The following CHCHD3 variants were observed in gnomAD, a reference collection of about 807,000 sequenced individuals.
The protein encoded by CHCHD3 is coiled-coil-helix-coiled-coil-helix domain containing 3.
A neutral mutation model predicts 38.2 loss-of-function variants in CHCHD3; 20 were observed. The ratio of observed to expected loss-of-function variants is 0.52; its 90% CI spans 0.37 to 0.76. The LOEUF is 0.76. Among genes scored for constraint, CHCHD3 ranks in the 30% least tolerant of loss-of-function variants. CHCHD3 has a pLI of 0.00. For synonymous variants in CHCHD3, 82 were observed against 100.0 expected, an observed-to-expected ratio of 0.82 and a Z score of 1.07; for missense variants, 245 against 279.2, an observed-to-expected ratio of 0.88 and a Z score of 0.87.
rs181121410 is a variant in CHCHD3, at chr7:133,001,786, T to G, written c.251+22760A>C. On this transcript the variant is annotated intron_variant, in intron 3 of 7. Transcript: ENST00000262570. ...GAGAGCAGACAGATTTTTAACACTA[T>G]ACAACTAGGAAACGATTCTCTGAAA... Among the ~76,000 whole-genome samples the G allele has an allele frequency of 9.8e-5, 15 of 152,310 alleles. No individual in the cohort carries two copies. The East Asian group carries it at 2.7e-3, about 27-fold the overall frequency.
At chr7:133,076,464 C>T (rs1275824436) in intron 1 of CHCHD3, among the ~76,000 whole-genome samples, 1 of 152,114 alleles carries the variant, frequency 6.6e-6, no homozygotes, top group Admixed American at 6.6e-5. Context: ...GCAGGTCTGC[C>T]GATATTCAGC....
intron 4 of CHCHD3, among the ~76,000 whole-genome samples, chr7:132,898,186 A>G (rs1257485974): frequency 1.3e-5 from 2 of 152,130 alleles, no homozygotes; most frequent in African/African-American, 2.4e-5. Flanking sequence ...TATTGCAGAG[A>G]GCCAAAGAAC....
At chr7:132,874,577 ATATTCTGGT>A (rs1808850555) in intron 5 of CHCHD3, among the ~76,000 whole-genome samples, 1 of 72,654 alleles carries the variant, frequency 1.4e-5, no homozygotes, top group African/African-American at 3.9e-5. Flanking sequence ...AAAGGGAAGA[ATATTCTGGT>A]TCAGACTTTC....
chr7:132,797,712 G>A (rs1460318274), intron 6 of CHCHD3, among the ~76,000 whole-genome samples: 1 of 152,168 alleles, frequency 6.6e-6, no homozygotes, highest in Non-Finnish European at 1.5e-5. Context: ...GATTGCTTCT[G>A]TGAATATGTG....
At chr7:132,959,989 G>C (rs1384023494) in intron 4 of CHCHD3, among the ~76,000 whole-genome samples, 1 of 152,154 alleles carries the variant, frequency 6.6e-6, no homozygotes, top group South Asian at 2.1e-4. Flanking sequence ...AGTAACAAAC[G>C]TATCTCCAGA....
chr7:132,869,948 T>C (rs1808723197), intron 5 of CHCHD3, among the ~76,000 whole-genome samples: 1 of 152,150 alleles, frequency 6.6e-6, no homozygotes, highest in Non-Finnish European at 1.5e-5. Context: ...TGAAAGATTA[T>C]ATAAGCTTAA....
chr7:132,946,556 C>T (rs1026309189), intron 4 of CHCHD3, among the ~76,000 whole-genome samples: 1 of 151,668 alleles, frequency 6.6e-6, no homozygotes, highest in African/African-American at 2.4e-5. Flanking sequence ...AGAATTAACT[C>T]CAAAAATTTA....
At chr7:133,006,118 A>AT (rs1290751339) in intron 3 of CHCHD3, among the ~76,000 whole-genome samples, 1 of 152,198 alleles carries the variant, frequency 6.6e-6, no homozygotes, top group Non-Finnish European at 1.5e-5. Flanking sequence ...CTAAACTCCC[A>AT]TAGTACTAAC....
intron 6 of CHCHD3, among the ~76,000 whole-genome samples, chr7:132,804,518 C>A (rs1400481543): frequency 1.3e-5 from 2 of 152,064 alleles, no homozygotes; most frequent in African/African-American, 4.8e-5. Context: ...ATTCCAGTAC[C>A]CCTACCTCTT....
chr7:132,809,302 T>C (rs1563241797), intron 6 of CHCHD3, among the ~76,000 whole-genome samples: 2 of 152,152 alleles, frequency 1.3e-5, no homozygotes, highest in Admixed American at 1.3e-4. Context: ...AGTTCCTGTT[T>C]TAAAATACCT....
chr7:132,973,492 T>C (rs1811663961), intron 4 of CHCHD3: 1 of 985,366 alleles, frequency 1.0e-6, no homozygotes, highest in South Asian at 4.7e-5. Flanking sequence ...TCTGAAATTA[T>C]TCCCCTTTCA....
intron 3 of CHCHD3, among the ~76,000 whole-genome samples, chr7:133,005,913 G>A (rs1045457496): frequency 3.9e-5 from 6 of 152,122 alleles, no homozygotes; most frequent in Non-Finnish European, 8.8e-5. Flanking sequence ...GTCCACTCCA[G>A]GGCAATTAGA....
At chr7:133,060,101 G>C (rs1814458415) in intron 2 of CHCHD3, among the ~76,000 whole-genome samples, 1 of 152,226 alleles carries the variant, frequency 6.6e-6, no homozygotes. Flanking sequence ...AACTTGGAAA[G>C]TCCACACTGA....
At chr7:132,957,228 A>T (rs1378380871) in intron 4 of CHCHD3, among the ~76,000 whole-genome samples, 1 of 152,214 alleles carries the variant, frequency 6.6e-6, no homozygotes, top group African/African-American at 2.4e-5. Context: ...TAGAGATTAG[A>T]TAGGGTGATT....
At chr7:133,071,421 T>C (rs1397838757) in intron 1 of CHCHD3, among the ~76,000 whole-genome samples, 2 of 152,210 alleles carry the variant, frequency 1.3e-5, no homozygotes, top group African/African-American at 2.4e-5. Context: ...AGATTCTTAG[T>C]GAACTCTTCA....
chr7:133,022,985 C>T (rs1359019147), intron 3 of CHCHD3, among the ~76,000 whole-genome samples: 1 of 148,666 alleles, frequency 6.7e-6, no homozygotes, highest in South Asian at 2.1e-4. Context: ...GAGAATCTAA[C>T]CAAAAAACCC....
chr7:133,004,043 C>T (rs953930645), intron 3 of CHCHD3, among the ~76,000 whole-genome samples: 12 of 152,070 alleles, frequency 7.9e-5, no homozygotes, highest in South Asian at 2.1e-4. Context: ...CTGCAACCTC[C>T]GCCGTGGAGC....
intron 4 of CHCHD3, among the ~76,000 whole-genome samples, chr7:132,914,167 T>TGTGTGTGTGTGTGTGTG (rs1585632461): frequency 6.9e-6 from 1 of 144,906 alleles, no homozygotes; most frequent in African/African-American, 2.5e-5. Flanking sequence ...TGTGTGTGTG[T>TGTGTGTGTGTGTGTGTG]TTAGTAGAGA....
At chr7:133,036,281 CAA>C (rs1813671556) in intron 2 of CHCHD3, among the ~76,000 whole-genome samples, 1 of 152,070 alleles carries the variant, frequency 6.6e-6, no homozygotes. Context: ...ATTTTTATCT[CAA>C]GTTACACAGT....
Sources: gnomAD v4.1 joint callset for allele counts (sites outside exome capture counted in the v4.1 genomes callset) on GRCh38, gnomAD v4.1.1 for gene constraint, MANE v1.5 for transcripts, NCBI Gene and HGNC (gene_info 2026-07-23, HGNC 2026-07-21) for gene names.